CCDC7: variants seen among roughly 807,000 people sequenced by gnomAD.
CCDC7 encodes the protein coiled-coil domain containing 7.
In CCDC7, 183 loss-of-function variants were observed where a neutral mutation model predicts 196.9. That is an observed-to-expected ratio of 0.93 (90% confidence interval 0.82 to 1.05). The LOEUF is 1.05. Ranked by LOEUF, CCDC7 falls within the 50% of genes least tolerant of loss-of-function variation. The pLI, the probability that CCDC7 is intolerant of heterozygous loss-of-function variation, is 0.00. For synonymous variants in CCDC7, 525 were observed against 484.6 expected, an observed-to-expected ratio of 1.08 and a Z score of -1.10; for missense variants, 1,540 against 1,482.2, an observed-to-expected ratio of 1.04 and a Z score of -0.64.
At chr10:32,595,417 C>A (rs375778325) in intron 18 of CCDC7, among the ~76,000 whole-genome samples, 3 of 152,010 alleles carry the variant, frequency 2.0e-5, no homozygotes, top group African/African-American at 7.2e-5. Flanking sequence ...TTTTTTATTG[C>A]GTCTATTTGA....
chr10:32,664,679 T>A (rs531283825), intron 21 of CCDC7, among the ~76,000 whole-genome samples: 1 of 152,146 alleles, frequency 6.6e-6, no homozygotes, highest in Non-Finnish European at 1.5e-5. Flanking sequence ...ATTTACTTCC[T>A]TTTTTTAAGG....
chr10:32,785,986 C>A (rs1014380619), intron 29 of CCDC7, among the ~76,000 whole-genome samples: 1 of 152,120 alleles, frequency 6.6e-6, no homozygotes, highest in East Asian at 1.9e-4. Flanking sequence ...TTCAACTCAG[C>A]CTTATTTCTG....
intron 8 of CCDC7, among the ~76,000 whole-genome samples, chr10:32,477,298 G>A (rs994059084): frequency 1.1e-4 from 17 of 151,640 alleles, no homozygotes; most frequent in African/African-American, 4.1e-4. Flanking sequence ...CCGCCTCCCT[G>A]TTCAAGTGAT....
intron 28 of CCDC7, among the ~76,000 whole-genome samples, chr10:32,759,629 A>C (rs1014211473): frequency 1.2e-4 from 18 of 152,192 alleles, no homozygotes; most frequent in Non-Finnish European, 1.9e-4. Flanking sequence ...TAGACCTAAT[A>C]CCATAAAAAC....
chr10:32,520,571 AT>A (rs1003212083), intron 11 of CCDC7, among the ~76,000 whole-genome samples: 1 of 151,658 alleles, frequency 6.6e-6, no homozygotes, highest in East Asian at 1.9e-4. Flanking sequence ...GGATTATTAG[AT>A]TTTTTTTCCT....
At chr10:32,761,928 T>C (rs74620228) in intron 28 of CCDC7, among the ~76,000 whole-genome samples, 1 of 151,962 alleles carries the variant, frequency 6.6e-6, no homozygotes, top group East Asian at 1.9e-4. Flanking sequence ...CTTTTCTCTC[T>C]CCCACAGATG....
intron 16 of CCDC7, among the ~76,000 whole-genome samples, chr10:32,582,118 ATATATATATATATATATAT>A (rs1451884078): frequency 1.1e-4 from 5 of 44,134 alleles, no homozygotes. Context: ...ATATATATAT[ATATATATATATATATATAT>A]ATACTTTTTT....
At chr10:32,726,339 A>G (rs1034256754) in intron 25 of CCDC7, among the ~76,000 whole-genome samples, 12 of 151,930 alleles carry the variant, frequency 7.9e-5, no homozygotes, top group African/African-American at 2.9e-4. Context: ...TATTGAGCCA[A>G]TATATTATAC....
downstream of CCDC7, chr10:32,877,062 C>A (rs1448497783): frequency 6.6e-6 from 1 of 151,954 alleles, no homozygotes; most frequent in Non-Finnish European, 1.5e-5. Context: ...TCTAAATATT[C>A]TGGAGTTATG....
chr10:32,529,978 C>G (rs1467520678), intron 11 of CCDC7, among the ~76,000 whole-genome samples: 3 of 152,114 alleles, frequency 2.0e-5, no homozygotes, highest in Non-Finnish European at 4.4e-5. Flanking sequence ...CAGTTACATT[C>G]TCTTACATGA....
At chr10:32,731,353 A>G (rs1163799623) in intron 28 of CCDC7, among the ~76,000 whole-genome samples, 1 of 152,152 alleles carries the variant, frequency 6.6e-6, no homozygotes, top group African/African-American at 2.4e-5. Flanking sequence ...GTCTTTGTCT[A>G]TTCCTAGAAT....
chr10:32,509,599 TAA>T (rs1375293700), intron 9 of CCDC7, among the ~76,000 whole-genome samples: 1 of 147,260 alleles, frequency 6.8e-6, no homozygotes. Context: ...AAAAAGGAAA[TAA>T]TAAAATGAAA....
intron 21 of CCDC7, among the ~76,000 whole-genome samples, chr10:32,683,800 A>C (rs1008168407): frequency 6.6e-6 from 1 of 152,206 alleles, no homozygotes; most frequent in African/African-American, 2.4e-5. Flanking sequence ...GGAAGTGATC[A>C]GGCAGAAGTA....
intron 1 of CCDC7, 109 bp from the exon 3 acceptor site, chr10:32,453,235 T>A: frequency 2.5e-6 from 2 of 803,730 alleles, no homozygotes; most frequent in Non-Finnish European, 3.3e-6. Context: ...AAGAAATAAG[T>A]CTTACTGGTA....
chr10:32,463,363 A>G (rs2036137242), intron 5 of CCDC7, among the ~76,000 whole-genome samples: 1 of 152,170 alleles, frequency 6.6e-6, no homozygotes, highest in South Asian at 2.1e-4. Flanking sequence ...AGAACCTTTC[A>G]CTTTAAATAT....
intron 26 of CCDC7, 60 bp from the exon 28 acceptor site, chr10:32,728,827 T>C (rs1351213460): frequency 1.2e-6 from 1 of 862,976 alleles, no homozygotes; most frequent in Non-Finnish European, 1.8e-6. Flanking sequence ...GAAATGTACA[T>C]ATTATACATT....
intron 24 of CCDC7, among the ~76,000 whole-genome samples, chr10:32,709,604 A>C (rs1192183219): frequency 6.6e-6 from 1 of 152,182 alleles, no homozygotes; most frequent in African/African-American, 2.4e-5. Flanking sequence ...GAGCTCAGGC[A>C]GTAATGTGAA....
Position 32,814,433 on chromosome 10 carries a change from C to T in CCDC7, c.3161C>T (p.Thr1054Ile), listed in dbSNP as rs770301816. The change falls in exon 31 of 42, where the codon ACA becomes ATA. Residue 1054 changes from threonine (T) to isoleucine (I), a missense_variant. By Grantham distance (89) the Thr-to-Ile change is moderately conservative. Transcript: ENST00000639629. ...GATATACTAAAGGATGAATTCAAGACACGATCAAAGAGTCTCCCTGGTAAG... is the reference window on the plus strand; with the variant it reads ...GATATACTAAAGGATGAATTCAAGATACGATCAAAGAGTCTCCCTGGTAAG... 2.0e-5 allele frequency: 32 copies of T among 1,610,824 alleles called. No individual in the cohort carries two copies. In the South Asian group the frequency reaches 3.0e-4, roughly 15 times the overall value.
intron 28 of CCDC7, among the ~76,000 whole-genome samples, chr10:32,756,037 C>G (rs544790866): frequency 6.6e-6 from 1 of 151,696 alleles, no homozygotes; most frequent in East Asian, 1.9e-4. Flanking sequence ...TGAAATGAAG[C>G]GAGAAGAGAA....
Sources: gnomAD v4.1 joint callset for allele counts (sites outside exome capture counted in the v4.1 genomes callset) on GRCh38, gnomAD v4.1.1 for gene constraint, MANE v1.5 for transcripts, NCBI Gene and HGNC (gene_info 2026-07-23, HGNC 2026-07-21) for gene names.